The following NSF variants were observed in gnomAD, a reference collection of about 807,000 sequenced individuals.
NSF encodes the protein vesicle-fusing ATPase.
In NSF, 14 loss-of-function variants were observed where a neutral mutation model predicts 50.3. The observed-to-expected ratio is 0.28, with a 90% confidence interval of 0.18 to 0.44. The LOEUF (loss-of-function observed/expected upper bound fraction) is 0.44. Ranked by LOEUF, NSF falls within the 20% of genes least tolerant of loss-of-function variation. The pLI is 1.00. For missense variants in NSF, 218 were observed against 504.3 expected, an observed-to-expected ratio of 0.43 and a Z score of 5.44; for synonymous variants, 109 against 175.7, an observed-to-expected ratio of 0.62 and a Z score of 3.00.
At chr17:46,742,520 T>C (rs1057258485) in intron 17 of NSF, among the ~76,000 whole-genome samples, 1 of 152,150 alleles carries the variant, frequency 6.6e-6, no homozygotes, top group Non-Finnish European at 1.5e-5. Context: ...ATATAGTAAG[T>C]ATATAGTATG....
intron 17 of NSF, among the ~76,000 whole-genome samples, chr17:46,741,744 G>A (rs1250943984): frequency 6.9e-6 from 1 of 143,984 alleles, no homozygotes; most frequent in East Asian, 2.1e-4. Flanking sequence ...AGTTGTAGGA[G>A]ATGTTAATAG....
At position 46,719,495 on chromosome 17, in the gene NSF, G is replaced by A. The variant is rs1455056392; in HGVS notation, c.1761+5509G>A. On this transcript the variant is annotated intron_variant, in intron 15 of 20. Transcript: ENST00000398238. This position sits in a 1 kb window ranked among gnomAD's most constrained non-coding sequence, Gnocchi z 4.3. Reference sequence around the variant, plus strand: ...TGTACTTCTCTTAATTTGCTTATTAGTGAATCCTTTCTCCATGGATAAACT... The same window carrying A: ...TGTACTTCTCTTAATTTGCTTATTAATGAATCCTTTCTCCATGGATAAACT... Among the ~76,000 whole-genome samples, 2 of 152,064 alleles carry A rather than the reference G, an allele frequency of 1.3e-5. No individual in the cohort carries two copies. Among genetic ancestry groups the A allele is most frequent in the Non-Finnish European group, 2.9e-5 (2 of 68,024 alleles).
rs2059229267 is a variant in NSF at position 46,755,882 on chromosome 17, AG to A, written c.*61del. The A allele has an allele frequency of 9.1e-6, 14 of 1,533,826 alleles. No individual in the cohort carries two copies. In the South Asian group the frequency reaches 1.6e-4, roughly 18 times the overall value. On this transcript the variant is annotated 3_prime_UTR_variant, in exon 21 of 21. Transcript: ENST00000398238. ...GAAGTGACCAAGGTGAAGATGGCCTAGGATCTTCACTGTCTTACTCAAGATA... is the reference window on the plus strand; with the variant it reads ...GAAGTGACCAAGGTGAAGATGGCCTAGATCTTCACTGTCTTACTCAAGATA...
chr17:46,751,406 T>A (rs987926347), intron 18 of NSF, 97 bp from the exon 19 acceptor site: 147 of 830,882 alleles, frequency 1.8e-4, no homozygotes, highest in Non-Finnish European at 1.9e-4. Context: ...AACAGTTAGG[T>A]AGTTCTTATC....
intron 8 of NSF, among the ~76,000 whole-genome samples, chr17:46,657,266 C>T (rs2058266229): frequency 7.9e-6 from 1 of 125,876 alleles, no homozygotes; most frequent in Admixed American, 8.1e-5. Flanking sequence ...ACATGCACTG[C>T]CAAATTTAGA....
At chr17:46,722,569 C>A (rs1414727155) in intron 15 of NSF, among the ~76,000 whole-genome samples, 1 of 152,178 alleles carries the variant, frequency 6.6e-6, no homozygotes, top group African/African-American at 2.4e-5. Context: ...TGGCAGCTAA[C>A]CTCACGTACT....
At chr17:46,621,216 CA>C (rs1327001906) in intron 1 of NSF, among the ~76,000 whole-genome samples, 1 of 149,786 alleles carries the variant, frequency 6.7e-6, no homozygotes, top group Non-Finnish European at 1.5e-5. Context: ...GACTTAATTG[CA>C]GCAATAGTTT....
intron 15 of NSF, among the ~76,000 whole-genome samples, chr17:46,720,322 C>T (rs2058817039): frequency 6.6e-6 from 1 of 152,140 alleles, no homozygotes; most frequent in African/African-American, 2.4e-5. Context: ...GCATTTGTAT[C>T]TCTTTGGCGT....
At chr17:46,733,041 C>T (rs2146304230) in intron 17 of NSF, among the ~76,000 whole-genome samples, 1 of 152,284 alleles carries the variant, frequency 6.6e-6, no homozygotes, top group Middle Eastern at 3.4e-3. Context: ...GTTCACCCTC[C>T]CTGAGCTGGA....
chr17:46,721,513 A>G, intron 15 of NSF: 1 of 964,420 alleles, frequency 1.0e-6, no homozygotes, highest in Non-Finnish European at 1.6e-6. Context: ...TTCATAATAG[A>G]ACTGGGCTGA....
chr17:46,740,618 G>A (rs948396266), intron 17 of NSF, among the ~76,000 whole-genome samples: 1 of 151,302 alleles, frequency 6.6e-6, no homozygotes, highest in African/African-American at 2.4e-5. Flanking sequence ...TTCCTTTAAG[G>A]TATTAAGAAT....
intron 17 of NSF, among the ~76,000 whole-genome samples, chr17:46,746,296 T>C (rs963251490): frequency 1.3e-5 from 2 of 152,230 alleles, no homozygotes; most frequent in African/African-American, 4.8e-5. Flanking sequence ...GTTAAGCTAA[T>C]GGCTAATTGT....
chr17:46,730,435 G>A (rs2058937880), intron 17 of NSF, among the ~76,000 whole-genome samples: 1 of 152,048 alleles, frequency 6.6e-6, no homozygotes, highest in South Asian at 2.1e-4. Context: ...TTAAACAGAG[G>A]TACACCCCCT....
Position 46,733,135 on chromosome 17 carries a change from C to T in NSF, c.1908+4201C>T, listed in dbSNP as rs543144382. On this transcript the variant is annotated intron_variant, in intron 17 of 20. Coordinates refer to ENST00000398238, the MANE Select transcript of NSF (RefSeq NM_006178.4). ...CCCCTCCTTCCAGTGAGATTCCTAA[C>T]GCCGTCTCTTTTACTTGATGACACT... Among the ~76,000 whole-genome samples, 171 of 152,266 alleles carry T rather than the reference C, an allele frequency of 1.1e-3. 1 individual carries two copies. Among genetic ancestry groups the T allele is most frequent in the Admixed American group, 2.4e-3 (37 of 15,300 alleles).
intron 15 of NSF, chr17:46,721,794 C>T (rs2058833406): frequency 2.1e-5 from 34 of 1,602,356 alleles, no homozygotes; most frequent in Non-Finnish European, 2.6e-5. Flanking sequence ...GCATCGTGCA[C>T]AGCTGTCAGA....
At chr17:46,679,563 A>T (rs866903430) in intron 9 of NSF, among the ~76,000 whole-genome samples, 13 of 129,446 alleles carry the variant, frequency 1.0e-4, no homozygotes, top group Admixed American at 2.4e-4. Flanking sequence ...TTGGTGGCGC[A>T]CAGCTGTAAT....
intron 15 of NSF, among the ~76,000 whole-genome samples, chr17:46,714,222 T>C (rs2058745839): frequency 6.6e-6 from 1 of 152,226 alleles, no homozygotes; most frequent in African/African-American, 2.4e-5. Context: ...TTAATACATA[T>C]TAAGTTTCAT....
chr17:46,751,387 A>T, intron 18 of NSF, 116 bp from the exon 19 acceptor site: 1 of 724,038 alleles, frequency 1.4e-6, no homozygotes, highest in Non-Finnish European at 2.4e-6. Context: ...AGAGAATTCT[A>T]TCAACTTGAA....
At chr17:46,737,154 C>G (rs1232121123) in intron 17 of NSF, among the ~76,000 whole-genome samples, 1 of 152,162 alleles carries the variant, frequency 6.6e-6, no homozygotes, top group African/African-American at 2.4e-5. Context: ...TACCTGCCCT[C>G]AGATGGCTCA....
Sources: allele counts gnomAD v4.1 joint callset (sites outside exome capture counted in the v4.1 genomes callset), GRCh38; gene constraint gnomAD v4.1.1; non-coding constraint Gnocchi (gnomAD v3.1); transcripts MANE v1.5; gene names NCBI Gene and HGNC (gene_info 2026-07-23, HGNC 2026-07-21).